NUP214: variants seen among roughly 807,000 people sequenced by gnomAD.
NUP214 encodes nuclear pore complex protein Nup214.
NUP214 carries 79 observed loss-of-function variants against 196.2 expected under a neutral mutation model. The observed-to-expected ratio is 0.40, with a 90% CI of 0.34 to 0.49. The LOEUF is 0.49. NUP214 is among the 20% of genes least tolerant of loss of function. The pLI is 0.58. For missense variants in NUP214, 2,468 were observed against 2,539.0 expected, an observed-to-expected ratio of 0.97 and a Z score of 0.60; for synonymous variants, 1,020 against 990.5, an observed-to-expected ratio of 1.03 and a Z score of -0.56.
chr9:131,230,826 C>T, intron 34 of NUP214, 57 bp downstream of exon 34: 2 of 1,564,538 alleles, frequency 1.3e-6, no homozygotes, highest in Non-Finnish European at 1.7e-6. Context: ...TGCCTTCTCC[C>T]CCAAAGAAAT....
intron 14 of NUP214, among the ~76,000 whole-genome samples, chr9:131,148,414 C>T (rs1042681769): frequency 2.0e-5 from 3 of 152,176 alleles, no homozygotes; most frequent in Non-Finnish European, 4.4e-5. Flanking sequence ...TGTAGCACTG[C>T]TATGACCGTT....
chr9:131,180,554 A>G (rs1485173497), intron 24 of NUP214, among the ~76,000 whole-genome samples: 1 of 152,252 alleles, frequency 6.6e-6, no homozygotes, highest in Non-Finnish European at 1.5e-5. Context: ...AAGATTCATC[A>G]TAGGATGAGC....
chr9:131,175,488 T>C lies in NUP214; in HGVS notation c.3186T>C (p.Pro1062=). 1 of 1,614,206 alleles carries C rather than the reference T, an allele frequency of 6.2e-7. No individual in the cohort carries two copies. The highest frequency in any genetic ancestry group is 8.5e-7 in the Non-Finnish European group (1 of 1,180,026). The change falls in exon 23 of 36, where the codon CCT becomes CCC. Residue 1062 remains proline, a synonymous_variant. Coordinates refer to ENST00000359428, the MANE Select transcript of NUP214 (RefSeq NM_005085.4). ...SVATSASKII[P]QGADSTMLAT... The stretch of plus-strand genomic sequence containing the variant: ...CTACATCTGCTAGCAAAATTATTCC[T>C]CAAGGGGCCGATAGCACAATGCTTG...
At chr9:131,140,153 C>T (rs1473985094) in intron 10 of NUP214, among the ~76,000 whole-genome samples, 1 of 152,126 alleles carries the variant, frequency 6.6e-6, no homozygotes, top group Non-Finnish European at 1.5e-5. Flanking sequence ...ACTGTCCATT[C>T]CAAAGAGTCT....
In NUP214 at chr9:131,160,335, C is replaced by T. The variant is rs73658937; in HGVS notation, c.2540+849C>T. On this transcript the variant is annotated intron_variant, in intron 18 of 35. Coordinates refer to ENST00000359428, the MANE Select transcript of NUP214 (RefSeq NM_005085.4). ...CAAAACGGGATTAAGGAGAATTTTC[C>T]GTAATACTCTTCTGTATATTTCAAA... Among the ~76,000 whole-genome samples the T allele has an allele frequency of 7.7e-3, 1,171 of 152,126 alleles. 12 individuals carry two copies. Among genetic ancestry groups the T allele is most frequent in the African/African-American group, 0.027 (1,125 of 41,498 alleles).
rs1159732419 is a variant in NUP214 at position 131,227,088 on chromosome 9, CCATT to C, written c.5903-1065_5903-1062del. 2.0e-5 allele frequency among the ~76,000 whole-genome samples: 3 copies of C among 152,238 alleles called. No individual in the cohort carries two copies. In the East Asian group the frequency reaches 5.8e-4, roughly 29 times the overall value. On this transcript the variant is annotated intron_variant, in intron 32 of 35. Coordinates refer to ENST00000359428, the MANE Select transcript of NUP214 (RefSeq NM_005085.4). The stretch of plus-strand genomic sequence containing the variant: ...AGCACATTTCTTATGCCATTCTATT[CCATT>C]CATTCAAGAAGACACTCACTGAGTG...
intron 31 of NUP214, among the ~76,000 whole-genome samples, chr9:131,217,114 T>C (rs986357376): frequency 3.3e-5 from 5 of 152,194 alleles, no homozygotes; most frequent in African/African-American, 1.2e-4. Context: ...TTTGCCCTTC[T>C]AAACTCCTAA....
At chr9:131,199,583 A>T (rs1308531274) in intron 29 of NUP214, among the ~76,000 whole-genome samples, 1 of 152,226 alleles carries the variant, frequency 6.6e-6, no homozygotes, top group African/African-American at 2.4e-5. Flanking sequence ...TAAAAACTAC[A>T]GTTTACTGTT....
intron 32 of NUP214, among the ~76,000 whole-genome samples, chr9:131,223,455 G>A (rs967641616): frequency 4.0e-5 from 6 of 151,226 alleles, no homozygotes; most frequent in South Asian, 4.2e-4. Flanking sequence ...ATGAGCCACC[G>A]CGCCCAGCTG....
At chr9:131,194,211 A>AC (rs1833710229) in intron 27 of NUP214, 1 of 150,256 alleles carries the variant, frequency 6.7e-6, no homozygotes, top group Admixed American at 6.6e-5. Flanking sequence ...GTCTCAAAAA[A>AC]AAAAAAAGGT....
intron 31 of NUP214, among the ~76,000 whole-genome samples, chr9:131,218,181 A>G (rs1198867778): frequency 1.3e-5 from 2 of 152,258 alleles, no homozygotes; most frequent in Admixed American, 1.3e-4. Context: ...GAAGGAGTAG[A>G]GGAAACACTT....
At chr9:131,200,730 G>A (rs138914935) in intron 29 of NUP214, among the ~76,000 whole-genome samples, 5 of 151,960 alleles carry the variant, frequency 3.3e-5, no homozygotes, top group Non-Finnish European at 5.9e-5. Flanking sequence ...GAAAAGAAAC[G>A]AGAGTAGAAC....
At chr9:131,159,647 C>T (rs540907035) in intron 18 of NUP214, among the ~76,000 whole-genome samples, 161 bp downstream of exon 18, 12 of 152,272 alleles carry the variant, frequency 7.9e-5, no homozygotes, top group African/African-American at 1.9e-4. Context: ...CACCTGAGAT[C>T]GGGAGTTCGA....
At chr9:131,150,549 G>A (rs1054769147) in intron 15 of NUP214, 67 bp from the exon 16 acceptor site, 2 of 1,591,158 alleles carry the variant, frequency 1.3e-6, no homozygotes, top group Non-Finnish European at 8.6e-7. Flanking sequence ...CAGTTAGTAA[G>A]CACGATAGCA....
At chr9:131,215,744 C>A (rs535463856) in intron 31 of NUP214, among the ~76,000 whole-genome samples, 22 of 152,210 alleles carry the variant, frequency 1.4e-4, no homozygotes, top group African/African-American at 5.3e-4. Context: ...AGCATGCAGA[C>A]TTTCATTTGG....
At chr9:131,171,031 G>A (rs564907724) in intron 21 of NUP214, among the ~76,000 whole-genome samples, 8 of 149,978 alleles carry the variant, frequency 5.3e-5, no homozygotes, top group African/African-American at 2.0e-4. Context: ...CTTATCTGAC[G>A]TAGAGTGTAA....
chr9:131,198,276 T>G lies in NUP214; in HGVS notation c.4782T>G (p.Thr1594=). The change falls in exon 29 of 36, where the codon ACT becomes ACG. Residue 1594 remains threonine, a synonymous_variant. Transcript: ENST00000359428. The part of the protein sequence containing the change: ...PASSFSVPGQ[T]AVTAAAISSA... ...CCTCCTTTTCTGTGCCTGGGCAGAC[T>G]GCTGTCACAGCAGCTGCTATCTCAA... is the stretch of plus-strand genomic sequence containing the variant. 1 of 1,614,212 alleles carries G rather than the reference T, an allele frequency of 6.2e-7. No individual in the cohort carries two copies. Among genetic ancestry groups the G allele is most frequent in the Non-Finnish European group, 8.5e-7 (1 of 1,180,038 alleles).
At chr9:131,158,225 T>C (rs920601942) in intron 17 of NUP214, among the ~76,000 whole-genome samples, 5 of 152,094 alleles carry the variant, frequency 3.3e-5, no homozygotes, top group Admixed American at 3.3e-4. Context: ...ATTATAGGCA[T>C]GCATCACCCT....
intron 30 of NUP214, among the ~76,000 whole-genome samples, chr9:131,205,559 A>T (rs894570575): frequency 2.0e-5 from 3 of 152,266 alleles, no homozygotes; most frequent in African/African-American, 7.2e-5. Context: ...GAATATTCTT[A>T]ATAGCTAAAC....
Sources: allele counts gnomAD v4.1 joint callset (sites outside exome capture counted in the v4.1 genomes callset), GRCh38; gene constraint gnomAD v4.1.1; transcripts MANE v1.5; gene names NCBI Gene and HGNC (gene_info 2026-07-23, HGNC 2026-07-21).